The following ATXN7L2 variants were observed in gnomAD, a reference collection of about 807,000 sequenced individuals.
The protein encoded by ATXN7L2 is ataxin-7-like protein 2.
A neutral mutation model predicts 59.6 loss-of-function variants in ATXN7L2; 17 were observed. The observed-to-expected ratio is 0.29, with a 90% CI of 0.20 to 0.43. The LOEUF (loss-of-function observed/expected upper bound fraction) is 0.43. Ranked by LOEUF, ATXN7L2 falls within the 20% of genes least tolerant of loss-of-function variation. ATXN7L2 has a pLI of 1.00. For missense variants in ATXN7L2, 858 were observed against 1,008.9 expected (o/e 0.85, Z 2.03); for synonymous variants, 378 against 392.5 (o/e 0.96, Z 0.44).
Position 109,490,519 on chromosome 1 carries a change from G to C in ATXN7L2, c.1454+127G>C, listed in dbSNP as rs753507896. On this transcript the variant is annotated intron_variant, in intron 9 of 10. Transcript: ENST00000683729. Reference sequence around the variant, plus strand: ...GTGTGCCTTGGCTATTTGCCAGCAGGACCCCAGATAGGGAGTAGCATGAAA... The same window carrying C: ...GTGTGCCTTGGCTATTTGCCAGCAGCACCCCAGATAGGGAGTAGCATGAAA... 11 of 1,350,776 alleles carry C rather than the reference G, an allele frequency of 8.1e-6. No individual in the cohort carries two copies. In the East Asian group the frequency reaches 2.2e-4, roughly 26 times the overall value. The allele number at this position is 1,350,776 out of a possible 1,614,324, so 83.7% of individuals were successfully genotyped here.
chr1:109,487,467 G>T, intron 4 of ATXN7L2, 51 bp from the exon 5 acceptor site: 1 of 1,445,886 alleles, frequency 6.9e-7, no homozygotes, highest in East Asian at 2.5e-5. Flanking sequence ...CCAGGCCCCA[G>T]GCCTCGCCTC....
At chr1:109,484,858 C>T (rs1023268874) in intron 1 of ATXN7L2, among the ~76,000 whole-genome samples, 3 of 152,192 alleles carry the variant, frequency 2.0e-5, no homozygotes, top group Non-Finnish European at 2.9e-5. Flanking sequence ...GAGGAGACTG[C>T]ACGGAGGGGT....
chr1:109,485,676 C>T (rs895981618), intron 1 of ATXN7L2: 23 of 995,720 alleles, frequency 2.3e-5, no homozygotes, highest in Non-Finnish European at 2.6e-5. Flanking sequence ...AATGGGGAAG[C>T]AGGCCCAGAA....
rs751419742 is a variant in ATXN7L2, at chr1:109,491,005, C to T, written c.1538C>T (p.Thr513Ile). The change falls in exon 10 of 11, where the codon ACC becomes ATC. Residue 513 changes from threonine (T) to isoleucine (I), a missense_variant. Coordinates refer to ENST00000683729, the MANE Select transcript of ATXN7L2 (RefSeq NM_001350175.2). The surrounding 1 kb of genome is among the most constrained non-coding windows in gnomAD (Gnocchi z 4.1). ...SAPLSPSSTG[T>I]CPRLPGPTLR... ...CCCCTGAGCCCATCCTCTACAGGCA[C>T]CTGCCCCCGCCTTCCAGGTCCAACC... The T allele has an allele frequency of 3.1e-6, 5 of 1,613,372 alleles. No homozygotes were observed. The highest frequency in any genetic ancestry group is 1.1e-5 in the South Asian group (1 of 90,962).
At chr1:109,492,739 G>A, downstream of ATXN7L2, 1 of 979,248 alleles carries the variant, frequency 1.0e-6, no homozygotes, top group Non-Finnish European at 1.5e-6. Flanking sequence ...CCTCAAGACT[G>A]TCTCCCTGTT....
At chr1:109,484,104 CG>C (rs1362653819) in intron 1 of ATXN7L2, 24 bp downstream of exon 1, 45 of 1,484,190 alleles carry the variant, frequency 3.0e-5, no homozygotes, top group Non-Finnish European at 3.9e-5. Context: ...CCCTAAAGTC[CG>C]GGGACCCCAT....
intron 10 of ATXN7L2, 52 bp from the exon 11 acceptor site, chr1:109,492,534 A>G (rs1030583396): frequency 4.3e-6 from 7 of 1,612,304 alleles, no homozygotes; most frequent in Non-Finnish European, 5.9e-6. Context: ...TGGGTAGGAC[A>G]GCTGGTAGGC....
chr1:109,484,181 T>A, intron 1 of ATXN7L2, 101 bp downstream of exon 1: 1 of 1,153,642 alleles, frequency 8.7e-7, no homozygotes, highest in Non-Finnish European at 1.1e-6. Flanking sequence ...GGAGCCGCCG[T>A]CCGGCTCCCC....
At chr1:109,487,388 G>T (rs1214252875) in intron 4 of ATXN7L2, 130 bp from the exon 5 acceptor site, 9 of 1,191,284 alleles carry the variant, frequency 7.6e-6, no homozygotes, top group Non-Finnish European at 1.0e-5. Context: ...TCCTCTTCCC[G>T]TGTTTCACAC....
At chr1:109,492,004 A>C in intron 10 of ATXN7L2, 1 of 1,202,446 alleles carries the variant, frequency 8.3e-7, no homozygotes, top group South Asian at 3.1e-5. Flanking sequence ...TTCTTTCTGA[A>C]TTGGCTGTGA....
chr1:109,489,043 C>A lies in ATXN7L2; in HGVS notation c.1076C>A (p.Pro359His). The change falls in exon 7 of 11, where the codon CCC becomes CAC. Residue 359 changes from proline (P) to histidine (H), a missense_variant. Pro to His is a moderately conservative substitution (Grantham distance 77). This residue lies in a region of ATXN7L2 where 734 missense variants were observed against 862.3 expected (regional missense o/e 0.85). Transcript: ENST00000683729. The part of the protein sequence containing the change: ...SVQVVAAVAA[P>H]SSTFSVRAKQ... ...CAGGTTGTAGCAGCGGTGGCTGCTC[C>A]CAGCAGCACCTTCTCTGTTCGTGCC... 6.2e-7 allele frequency: 1 copy of A among 1,614,172 alleles called. No homozygotes were observed. The highest frequency in any genetic ancestry group is 8.5e-7 in the Non-Finnish European group (1 of 1,180,006).
chr1:109,489,458 G>C (rs1427813190), intron 7 of ATXN7L2: 10 of 350,438 alleles, frequency 2.9e-5, no homozygotes, highest in Non-Finnish European at 4.7e-5. Context: ...GCGTGCAGAG[G>C]CTATGCCGGA....
rs1023111193 is a variant in ATXN7L2 at position 109,487,525 on chromosome 1, G to T, written c.517G>T (p.Val173Leu). The part of the protein sequence containing the change: ...KTQKDNLCLF[V>L]PVVNLEKMSS... ...CCCTCTCTCTGTGTGTAGCCTTTTC[G>T]TGCCTGTGGTGAATCTGGAGAAGAT... Residue 173 changes from valine (V) to leucine (L), a missense_variant, in exon 5 of 11, where the codon GTG becomes TTG. By Grantham distance (32) the Val-to-Leu change is conservative. Coordinates refer to ENST00000683729, the MANE Select transcript of ATXN7L2 (RefSeq NM_001350175.2). 6.7e-7 allele frequency: 1 copy of T among 1,496,294 alleles called. No homozygotes were observed. Among genetic ancestry groups the T allele is most frequent in the Non-Finnish European group, 8.9e-7 (1 of 1,124,414 alleles). The allele number at this position is 1,496,294 out of a possible 1,614,324, so 92.7% of individuals were successfully genotyped here. A position where few individuals can be genotyped will look rare whatever the true frequency, so the allele number is the denominator to read the frequency against.
chr1:109,484,205 A>G, intron 1 of ATXN7L2, 125 bp downstream of exon 1: 5 of 954,924 alleles, frequency 5.2e-6, no homozygotes, highest in Non-Finnish European at 5.4e-6. Context: ...CCCCCAAACA[A>G]AGGACCCGCC....
At chr1:109,487,472 C>T (rs920256026) in intron 4 of ATXN7L2, 46 bp from the exon 5 acceptor site, 36 of 1,451,708 alleles carry the variant, frequency 2.5e-5, no homozygotes, top group South Asian at 2.4e-4. Flanking sequence ...CCCCAGGCCT[C>T]GCCTCCCCTC....
At chr1:109,485,448 C>G in intron 1 of ATXN7L2, 2 of 985,438 alleles carry the variant, frequency 2.0e-6, no homozygotes, top group Non-Finnish European at 2.4e-6. Flanking sequence ...AGTTTCTCTG[C>G]TCTGTGACCA....
chr1:109,484,547 A>G (rs1656433945), intron 1 of ATXN7L2, among the ~76,000 whole-genome samples: 1 of 136,442 alleles, frequency 7.3e-6, no homozygotes, highest in Non-Finnish European at 1.5e-5. Flanking sequence ...GTGCTTTTAG[A>G]CCCCCGCCCT....
chr1:109,491,075 C>A lies in ATXN7L2; in HGVS notation c.1608C>A (p.Asn536Lys), dbSNP rs201688698. ...CCTCCATGCCCCCCACCAAGGACAA[C>A]CTTGTCCCCAGCTACCCTGCAGGCT... ...CPASMPPTKD[N>K]LVPSYPAGSP... The change falls in exon 10 of 11, where the codon AAC becomes AAA. Residue 536 changes from asparagine to lysine, a missense_variant. By Grantham distance (94) the Asn-to-Lys change is moderately conservative (BLOSUM62 0). Coordinates refer to ENST00000683729, the MANE Select transcript of ATXN7L2 (RefSeq NM_001350175.2). This position sits in a 1 kb window ranked among gnomAD's most constrained non-coding sequence, Gnocchi z 4.1. 3 of 1,613,792 alleles carry A rather than the reference C, an allele frequency of 1.9e-6. No homozygotes were observed. Among genetic ancestry groups the A allele is most frequent in the Non-Finnish European group, 2.5e-6 (3 of 1,180,022 alleles).
At position 109,491,423 on chromosome 1, in the gene ATXN7L2, A is replaced by T; in HGVS notation, c.1956A>T (p.Arg652Ser). The T allele has an allele frequency of 6.2e-7, 1 of 1,614,186 alleles. No individual in the cohort carries two copies. The change falls in exon 10 of 11, where the codon AGA becomes AGT. Residue 652 changes from arginine to serine, a missense_variant. Arg to Ser is a moderately radical substitution (Grantham distance 110). This residue lies in a region of ATXN7L2 where 734 missense variants were observed against 862.3 expected (regional missense o/e 0.85). Transcript: ENST00000683729. The surrounding 1 kb of genome is among the most constrained non-coding windows in gnomAD (Gnocchi z 4.1). ...SMGLNGTMGP[R>S]VKRAGPLDCR... is the part of the protein sequence containing the mutation. ...GGCTTAATGGGACAATGGGGCCAAG[A>T]GTGAAGCGGGCAGGGCCCCTGGACT...
Sources: allele counts gnomAD v4.1 joint callset (sites outside exome capture counted in the v4.1 genomes callset), GRCh38; gene constraint gnomAD v4.1.1; regional missense constraint gnomAD v4.1.1; non-coding constraint Gnocchi (gnomAD v3.1); transcripts MANE v1.5; gene names NCBI Gene and HGNC (gene_info 2026-07-23, HGNC 2026-07-21).